Variants in SEMA6D observed in about 807,000 individuals in gnomAD.
The protein encoded by SEMA6D is semaphorin 6D.
Under a neutral mutation model 106.6 loss-of-function variants are expected in SEMA6D, and 35 were observed. That is an observed-to-expected ratio of 0.33 (90% CI 0.25 to 0.44). The LOEUF (loss-of-function observed/expected upper bound fraction) is 0.44, where lower values mean the gene tolerates loss of function less well. Among genes scored for constraint, SEMA6D ranks in the 20% least tolerant of loss-of-function variants. The pLI is 1.00. For synonymous variants in SEMA6D, 499 were observed against 487.7 expected (o/e 1.02, Z -0.31); for missense variants, 1,185 against 1,345.9 (o/e 0.88, Z 1.87).
intron 1 of SEMA6D, among the ~76,000 whole-genome samples, chr15:47,323,332 G>C (rs1387968669): frequency 6.6e-6 from 1 of 152,114 alleles, no homozygotes; most frequent in African/African-American, 2.4e-5. Context: ...TCTAGGGTAC[G>C]TGAACACCGG....
Position 47,704,875 on chromosome 15 carries a change from G to A in SEMA6D, c.-54-54870G>A, listed in dbSNP as rs142948282. On this transcript the variant is annotated intron_variant, in intron 4 of 19. Coordinates refer to the SEMA6D transcript ENST00000558014. ...GAACTGTTGGATTTTGAAATGAGAGGTTTACATTTTGAACATAGCAAAAAA... is the reference window on the plus strand; with the variant it reads ...GAACTGTTGGATTTTGAAATGAGAGATTTACATTTTGAACATAGCAAAAAA... 6.8e-3 allele frequency among the ~76,000 whole-genome samples: 1,036 copies of A among 152,174 alleles called. 7 individuals carry two copies. The highest frequency in any genetic ancestry group is 9.4e-3 in the Admixed American group (143 of 15,294).
intron 3 of SEMA6D, among the ~76,000 whole-genome samples, chr15:47,472,877 T>A (rs2141198593): frequency 6.6e-6 from 1 of 152,296 alleles, no homozygotes; most frequent in Admixed American, 6.5e-5. Flanking sequence ...TTTTGTTCTG[T>A]CAAGGACTAC....
intron 1 of SEMA6D, among the ~76,000 whole-genome samples, chr15:47,743,317 C>G (rs981896267): frequency 2.0e-5 from 3 of 151,938 alleles, no homozygotes; most frequent in Admixed American, 1.3e-4. Flanking sequence ...TACTGGTGAT[C>G]GTGGATGACC....
chr15:47,270,920 G>A (rs1813760), intron 1 of SEMA6D, among the ~76,000 whole-genome samples: 91,984 of 151,660 alleles, frequency 0.61, 28,385 homozygotes, highest in East Asian at 0.92. Flanking sequence ...GCTTGAACCC[G>A]GGCAACAGAG....
chr15:47,551,519 A>G (rs897338832), intron 3 of SEMA6D, among the ~76,000 whole-genome samples: 8 of 152,172 alleles, frequency 5.3e-5, no homozygotes, highest in Non-Finnish European at 1.0e-4. Flanking sequence ...TGAGCTAGTT[A>G]AAAGAAGAGG....
chr15:47,286,943 A>G (rs932357087), intron 1 of SEMA6D, among the ~76,000 whole-genome samples: 2 of 152,182 alleles, frequency 1.3e-5, no homozygotes, highest in Non-Finnish European at 2.9e-5. Context: ...CAACCCATCA[A>G]GGTGTCTAGT....
chr15:47,735,867 A>G (rs1363659450), intron 1 of SEMA6D, among the ~76,000 whole-genome samples: 1 of 152,226 alleles, frequency 6.6e-6, no homozygotes, highest in Non-Finnish European at 1.5e-5. Flanking sequence ...TTAGTTGTAC[A>G]CATTTCATCA....
intron 2 of SEMA6D, among the ~76,000 whole-genome samples, chr15:47,434,077 G>C (rs1025913833): frequency 2.0e-5 from 3 of 152,104 alleles, no homozygotes; most frequent in Admixed American, 1.3e-4. Context: ...GAAAAAATGA[G>C]AAGGCCACAA....
At chr15:47,386,077 C>G (rs1451954204) in intron 1 of SEMA6D, among the ~76,000 whole-genome samples, 1 of 152,036 alleles carries the variant, frequency 6.6e-6, no homozygotes, top group East Asian at 1.9e-4. Context: ...ATATGTAAAA[C>G]CATAGGACAA....
chr15:47,266,575 C>T (rs776391629), intron 1 of SEMA6D, among the ~76,000 whole-genome samples: 1 of 152,070 alleles, frequency 6.6e-6, no homozygotes, highest in Non-Finnish European at 1.5e-5. Flanking sequence ...CTCAGCAACA[C>T]CATGCTTAAG....
chr15:47,356,378 T>C (rs755328670), intron 1 of SEMA6D, among the ~76,000 whole-genome samples: 1 of 152,112 alleles, frequency 6.6e-6, no homozygotes, highest in Non-Finnish European at 1.5e-5. Flanking sequence ...ACGAACACTT[T>C]AAAACATGAG....
chr15:47,731,676 C>A (rs1209079383), intron 1 of SEMA6D, among the ~76,000 whole-genome samples: 1 of 152,156 alleles, frequency 6.6e-6, no homozygotes, highest in African/African-American at 2.4e-5. Flanking sequence ...TATTACTTTA[C>A]CCAGTTCTTG....
In SEMA6D at chr15:47,770,954, C is replaced by G. The variant is rs1425379685; in HGVS notation, c.2391C>G (p.Gly797=). The G allele has an allele frequency of 7.4e-6, 12 of 1,614,088 alleles. No homozygotes were observed. The highest frequency in any genetic ancestry group is 9.3e-6 in the Non-Finnish European group (11 of 1,180,010). The change falls in exon 19 of 19, where the codon GGC becomes GGG. Residue 797 remains glycine, a synonymous_variant. Coordinates refer to ENST00000536845, the MANE Select transcript of SEMA6D (RefSeq NM_001358351.3). Reference sequence around the variant, plus strand: ...AGAGCCACTCAGAAAAGGCCCATGGCCATGGAGCTTCAAGGAAAGAAACCC... The same window carrying G: ...AGAGCCACTCAGAAAAGGCCCATGGGCATGGAGCTTCAAGGAAAGAAACCC... ...AMKSHSEKAH[G]HGASRKETPQ... is the part of the protein sequence containing the mutation.
At chr15:47,206,536 G>A (rs1192339447) in intron 1 of SEMA6D, among the ~76,000 whole-genome samples, 2 of 152,118 alleles carry the variant, frequency 1.3e-5, no homozygotes, top group Non-Finnish European at 2.9e-5. Flanking sequence ...CAGCCTCAGA[G>A]CCCGTGAAGA....
In SEMA6D at chr15:47,770,927, G is replaced by T; in HGVS notation, c.2364G>T (p.Met788Ile). 1 of 1,614,100 alleles carries T rather than the reference G, an allele frequency of 6.2e-7. No individual in the cohort carries two copies. Among genetic ancestry groups the T allele is most frequent in the East Asian group, 2.2e-5 (1 of 44,848 alleles). The stretch of plus-strand genomic sequence containing the variant: ...TTCACCAGAAGACCCTGCAGGCCAT[G>T]AAGAGCCACTCAGAAAAGGCCCATG... ...PVLHQKTLQA[M>I]KSHSEKAHGH... The change falls in exon 19 of 19, where the codon ATG (methionine) becomes ATT (isoleucine). Residue 788 changes from methionine (M) to isoleucine (I), a missense_variant. Coordinates refer to ENST00000536845, the MANE Select transcript of SEMA6D (RefSeq NM_001358351.3).
intron 3 of SEMA6D, among the ~76,000 whole-genome samples, chr15:47,535,450 A>G (rs117062807): frequency 0.011 from 1,627 of 152,202 alleles, 10 homozygotes; most frequent in Middle Eastern, 0.017. Flanking sequence ...CCACCACACA[A>G]AACAGCCCCT....
intron 1 of SEMA6D, among the ~76,000 whole-genome samples, chr15:47,282,261 T>C (rs1444703822): frequency 1.3e-5 from 2 of 152,216 alleles, no homozygotes; most frequent in African/African-American, 4.8e-5. Flanking sequence ...TAATGACTTC[T>C]AGTAGCATAG....
chr15:47,552,905 T>TATATATATATATAAAA (rs1483274186), intron 3 of SEMA6D, among the ~76,000 whole-genome samples: 1 of 94,838 alleles, frequency 1.1e-5, no homozygotes, highest in South Asian at 2.9e-4. Context: ...TATATATATA[T>TATATATATATATAAAA]AAATATATAT....
chr15:47,503,882 G>T (rs1178494813), intron 3 of SEMA6D, among the ~76,000 whole-genome samples: 1 of 152,158 alleles, frequency 6.6e-6, no homozygotes, highest in East Asian at 1.9e-4. Flanking sequence ...CCGAGAGAGA[G>T]ACTCTAATCT....
Sources: gnomAD v4.1 joint callset for allele counts (sites outside exome capture counted in the v4.1 genomes callset) on GRCh38, gnomAD v4.1.1 for gene constraint, MANE v1.5 for transcripts, NCBI Gene and HGNC (gene_info 2026-07-23, HGNC 2026-07-21) for gene names.